CSMD1: variants seen among roughly 807,000 people sequenced by gnomAD.
CSMD1 encodes CUB and sushi domain-containing protein 1.
A neutral mutation model predicts 417.5 loss-of-function variants in CSMD1; 213 were observed. The observed-to-expected ratio is 0.51, with a 90% confidence interval of 0.46 to 0.57. The LOEUF (loss-of-function observed/expected upper bound fraction) is 0.57, where lower values mean the gene tolerates loss of function less well. Ranked by LOEUF, CSMD1 falls within the 20% of genes least tolerant of loss-of-function variation. CSMD1 has a pLI of 0.00. For synonymous variants in CSMD1, 2,862 were observed against 1,736.8 expected (o/e 1.65, Z -16.11); for missense variants, 6,923 against 4,529.7 (o/e 1.53, Z -15.17).
At chr8:3,756,134 A>G (rs1052124077) in intron 5 of CSMD1, among the ~76,000 whole-genome samples, 1 of 152,054 alleles carries the variant, frequency 6.6e-6, no homozygotes, top group African/African-American at 2.4e-5. Context: ...AGGCAGGTGG[A>G]TCAAGAGGTC....
At chr8:3,320,348 G>A (rs1056548269) in intron 23 of CSMD1, among the ~76,000 whole-genome samples, 8 of 152,090 alleles carry the variant, frequency 5.3e-5, no homozygotes, top group African/African-American at 2.4e-5. Context: ...CATCTTAGCT[G>A]TGAAGGGCAC....
chr8:4,314,064 A>G lies in CSMD1; in HGVS notation c.415+105889T>C, dbSNP rs185500261. On this transcript the variant is annotated intron_variant, in intron 3 of 69. Coordinates refer to ENST00000635120, the MANE Select transcript of CSMD1 (RefSeq NM_033225.6). Reference sequence around the variant, plus strand: ...TAATAATAATAATAATTCCAGTTAAACTTGCTTTCTTTCTGTGTCCTGGAG... The same window carrying G: ...TAATAATAATAATAATTCCAGTTAAGCTTGCTTTCTTTCTGTGTCCTGGAG... 3.3e-3 allele frequency among the ~76,000 whole-genome samples: 499 copies of G among 151,620 alleles called. 3 individuals are homozygous for G. The highest frequency in any genetic ancestry group is 4.4e-3 in the Non-Finnish European group (301 of 67,896).
chr8:3,996,321 T>G (rs1007666420), intron 5 of CSMD1, among the ~76,000 whole-genome samples: 3 of 152,222 alleles, frequency 2.0e-5, no homozygotes, highest in African/African-American at 7.2e-5. Context: ...TATTTTATAC[T>G]TCAATTATTT....
At chr8:4,664,848 C>A (rs1041542952) in intron 1 of CSMD1, among the ~76,000 whole-genome samples, 4 of 152,080 alleles carry the variant, frequency 2.6e-5, no homozygotes, top group Non-Finnish European at 5.9e-5. Context: ...TGGATTACAT[C>A]CATCCAAACT....
chr8:4,005,982 A>C (rs758259831), intron 4 of CSMD1, among the ~76,000 whole-genome samples: 1 of 152,202 alleles, frequency 6.6e-6, no homozygotes, highest in Non-Finnish European at 1.5e-5. Context: ...CTAATTCTCT[A>C]CTAGAATGAG....
rs1410761628 is a variant in CSMD1 at position 3,043,439 on chromosome 8, A to G, written c.7660+9023T>C. ...GATATGACTAGATGGAACTGGTGAT[A>G]TAAACCTATCACTAGATATGAGTAT... On this transcript the variant is annotated intron_variant, in intron 50 of 69. Coordinates refer to ENST00000635120, the MANE Select transcript of CSMD1 (RefSeq NM_033225.6). Among the ~76,000 whole-genome samples, 2 of 152,106 alleles carry G rather than the reference A, an allele frequency of 1.3e-5. 1 individual carries two copies. The highest frequency in any genetic ancestry group is 1.3e-4 in the Admixed American group (2 of 15,270).
At chr8:3,495,904 A>G (rs1796343437) in intron 10 of CSMD1, among the ~76,000 whole-genome samples, 2 of 152,122 alleles carry the variant, frequency 1.3e-5, no homozygotes, top group African/African-American at 2.4e-5. Context: ...ACATATAATT[A>G]TCTTATCTTT....
At chr8:4,441,651 A>T (rs533183386) in intron 2 of CSMD1, among the ~76,000 whole-genome samples, 19 of 152,304 alleles carry the variant, frequency 1.2e-4, no homozygotes, top group Middle Eastern at 3.4e-3. Context: ...TTTCACAGAA[A>T]AGTCACATTT....
chr8:3,050,405 T>C (rs62490542), intron 50 of CSMD1, among the ~76,000 whole-genome samples: 36,415 of 152,132 alleles, frequency 0.24, 5,071 homozygotes, highest in East Asian at 0.33. Flanking sequence ...ATACAGACTT[T>C]AAAAATGGAG....
chr8:3,579,331 C>A lies in CSMD1; in HGVS notation c.1223-4265G>T, dbSNP rs531268093. ...AATAGGTTTGTTTCATGCAATTTAT[C>A]TTACTTAATAAAAGTAATAACTTAT... On this transcript the variant is annotated intron_variant, in intron 9 of 69. Transcript: ENST00000635120. Among the ~76,000 whole-genome samples the A allele has an allele frequency of 4.0e-5, 5 of 125,018 alleles. No homozygotes were observed. The East Asian group carries it at 1.1e-3, about 27-fold the overall frequency. The allele number at this position is 125,018 out of a possible 152,430, so 82.0% of individuals were successfully genotyped here. A position where few individuals can be genotyped will look rare whatever the true frequency, so the allele number is the denominator to read the frequency against.
chr8:3,325,184 T>A (rs1039116167), intron 23 of CSMD1, among the ~76,000 whole-genome samples: 5 of 152,226 alleles, frequency 3.3e-5, no homozygotes, highest in African/African-American at 1.2e-4. Flanking sequence ...CAGTGTTTTC[T>A]TCCTGAGACG....
intron 12 of CSMD1, among the ~76,000 whole-genome samples, chr8:3,416,779 G>A (rs1359494144): frequency 1.3e-5 from 2 of 152,216 alleles, no homozygotes; most frequent in Non-Finnish European, 2.9e-5. Flanking sequence ...CTACACTGCT[G>A]TGTGTTCTTT....
intron 3 of CSMD1, among the ~76,000 whole-genome samples, chr8:4,082,395 C>T (rs946913919): frequency 5.3e-5 from 8 of 152,134 alleles, no homozygotes; most frequent in Non-Finnish European, 1.0e-4. Context: ...CATTTAAAAA[C>T]AACTACAACA....
intron 1 of CSMD1, among the ~76,000 whole-genome samples, chr8:4,898,718 T>C (rs773601722): frequency 1.3e-5 from 2 of 152,160 alleles, no homozygotes; most frequent in Non-Finnish European, 2.9e-5. Context: ...TATTATATAG[T>C]CCTTGAAAAC....
At chr8:3,873,354 C>G (rs957566599) in intron 5 of CSMD1, among the ~76,000 whole-genome samples, 1 of 151,856 alleles carries the variant, frequency 6.6e-6, no homozygotes, top group African/African-American at 2.4e-5. Flanking sequence ...ATGTATATAC[C>G]ATATAATACT....
chr8:4,376,850 G>C (rs866883504), intron 3 of CSMD1, among the ~76,000 whole-genome samples: 1 of 152,138 alleles, frequency 6.6e-6, no homozygotes, highest in Non-Finnish European at 1.5e-5. Flanking sequence ...ATTTGTAAGT[G>C]CTTCTCTGTT....
intron 21 of CSMD1, among the ~76,000 whole-genome samples, chr8:3,349,760 C>A: frequency 7.1e-6 from 1 of 141,570 alleles, no homozygotes; most frequent in Admixed American, 7.2e-5. Flanking sequence ...ATAGTTATAG[C>A]TATAAAATAG....
intron 7 of CSMD1, among the ~76,000 whole-genome samples, chr8:3,708,024 A>G (rs1801274607): frequency 6.6e-6 from 1 of 152,206 alleles, no homozygotes; most frequent in Non-Finnish European, 1.5e-5. Context: ...GGTCAATAAT[A>G]TTTCAATAGA....
chr8:3,543,741 A>T (rs946173870), intron 10 of CSMD1, among the ~76,000 whole-genome samples: 1 of 152,248 alleles, frequency 6.6e-6, no homozygotes, highest in Middle Eastern at 3.4e-3. Flanking sequence ...TGTGTTTGAG[A>T]TGTCTGTTGG....
Sources: gnomAD v4.1 joint callset for allele counts (sites outside exome capture counted in the v4.1 genomes callset) on GRCh38, gnomAD v4.1.1 for gene constraint, MANE v1.5 for transcripts, NCBI Gene and HGNC (gene_info 2026-07-23, HGNC 2026-07-21) for gene names.